The following SGCZ variants were observed in gnomAD, a reference collection of about 807,000 sequenced individuals.
The protein encoded by SGCZ is sarcoglycan zeta, also known as zeta-sarcoglycan.
A neutral mutation model predicts 41.3 loss-of-function variants in SGCZ; 40 were observed. The ratio of observed to expected loss-of-function variants is 0.97; its 90% CI spans 0.75 to 1.26. The LOEUF (loss-of-function observed/expected upper bound fraction) is 1.26, where lower values mean the gene tolerates loss of function less well. Among genes scored for constraint, SGCZ ranks in the 50% most tolerant of loss-of-function variants. The probability of loss-of-function intolerance (pLI) is 0.00; values close to 1 mark genes in which losing one functional copy is unlikely to be tolerated. For synonymous variants in SGCZ, 206 were observed against 137.5 expected, an observed-to-expected ratio of 1.50 and a Z score of -3.49; for missense variants, 552 against 369.8, an observed-to-expected ratio of 1.49 and a Z score of -4.04.
intron 4 of SGCZ, among the ~76,000 whole-genome samples, chr8:14,181,808 T>C (rs1804737635): frequency 6.6e-6 from 1 of 152,222 alleles, no homozygotes; most frequent in Admixed American, 6.5e-5. Context: ...ATCTTCCCTT[T>C]ATAAATTACT....
chr8:14,549,455 G>C (rs776742238), intron 2 of SGCZ, among the ~76,000 whole-genome samples: 28 of 152,000 alleles, frequency 1.8e-4, no homozygotes, highest in Non-Finnish European at 3.8e-4. Context: ...GAGAGAACAA[G>C]TGAAAAAATT....
intron 5 of SGCZ, among the ~76,000 whole-genome samples, chr8:14,162,897 G>C (rs753025502): frequency 6.6e-6 from 1 of 152,128 alleles, no homozygotes; most frequent in Non-Finnish European, 1.5e-5. Flanking sequence ...TCGAGAGAGG[G>C]TCTGGCTCTG....
intron 2 of SGCZ, among the ~76,000 whole-genome samples, chr8:14,387,916 G>C (rs906381008): frequency 6.6e-6 from 1 of 151,996 alleles, no homozygotes; most frequent in Non-Finnish European, 1.5e-5. Context: ...GGATAGAAGA[G>C]AGAGAAGTGG....
At chr8:14,873,695 T>C (rs114342700) in intron 1 of SGCZ, among the ~76,000 whole-genome samples, 6 of 152,132 alleles carry the variant, frequency 3.9e-5, no homozygotes, top group Middle Eastern at 3.2e-3. Flanking sequence ...TCAACTCTCA[T>C]TGGAAGTCCA....
intron 4 of SGCZ, among the ~76,000 whole-genome samples, chr8:14,226,340 G>C (rs1297135269): frequency 6.6e-6 from 1 of 151,932 alleles, no homozygotes; most frequent in Non-Finnish European, 1.5e-5. Flanking sequence ...TCAAAATATA[G>C]GACAGGTTCA....
intron 1 of SGCZ, among the ~76,000 whole-genome samples, chr8:14,761,539 A>AT (rs373649476): frequency 0.03 from 4,056 of 135,698 alleles, 129 homozygotes; most frequent in African/African-American, 0.072. Context: ...TTATTTATTT[A>AT]TTTTTTTTTT....
At chr8:14,337,423 A>C (rs1802543930) in intron 2 of SGCZ, among the ~76,000 whole-genome samples, 1 of 152,124 alleles carries the variant, frequency 6.6e-6, no homozygotes, top group African/African-American at 2.4e-5. Context: ...GTGCTTGATC[A>C]GGTGGTCAGA....
chr8:15,068,663 C>A (rs1805240690), intron 1 of SGCZ, among the ~76,000 whole-genome samples: 1 of 152,124 alleles, frequency 6.6e-6, no homozygotes, highest in Admixed American at 6.6e-5. Flanking sequence ...ACTGGAAATC[C>A]AATATGTGAA....
chr8:14,398,124 G>T (rs1478694599), intron 2 of SGCZ, among the ~76,000 whole-genome samples: 1 of 152,028 alleles, frequency 6.6e-6, no homozygotes, highest in African/African-American at 2.4e-5. Flanking sequence ...GATTTTCCCT[G>T]TCTGGAAAAA....
intron 1 of SGCZ, among the ~76,000 whole-genome samples, chr8:15,030,075 G>C (rs1474590085): frequency 6.6e-6 from 1 of 152,130 alleles, no homozygotes; most frequent in Non-Finnish European, 1.5e-5. Context: ...GTTAATTGAG[G>C]AGATGGACAT....
chr8:14,285,185 A>G (rs1457574218), intron 3 of SGCZ, among the ~76,000 whole-genome samples: 1 of 152,144 alleles, frequency 6.6e-6, no homozygotes, highest in Admixed American at 6.5e-5. Context: ...AAAATCTAAT[A>G]AATCTCCAGC....
chr8:14,505,863 C>G (rs766511673), intron 2 of SGCZ, among the ~76,000 whole-genome samples: 18 of 152,134 alleles, frequency 1.2e-4, no homozygotes, highest in Non-Finnish European at 2.2e-4. Flanking sequence ...ATCAGAAACA[C>G]AGGACTCGGC....
intron 2 of SGCZ, among the ~76,000 whole-genome samples, chr8:14,404,673 T>C (rs1458876401): frequency 6.6e-6 from 1 of 152,184 alleles, no homozygotes; most frequent in Non-Finnish European, 1.5e-5. Context: ...CTTAGACCAG[T>C]TCTTTCTCCA....
chr8:14,317,523 C>T (rs952928815), intron 3 of SGCZ, among the ~76,000 whole-genome samples: 1 of 151,910 alleles, frequency 6.6e-6, no homozygotes, highest in African/African-American at 2.4e-5. Flanking sequence ...CAAATAATAG[C>T]TTTTCCACAC....
intron 1 of SGCZ, among the ~76,000 whole-genome samples, chr8:14,779,106 C>G (rs915066694): frequency 6.6e-6 from 1 of 152,212 alleles, no homozygotes; most frequent in Non-Finnish European, 1.5e-5. Flanking sequence ...TATTCAGCTT[C>G]TAACATAGTC....
intron 1 of SGCZ, 101 bp downstream of exon 1, chr8:15,237,484 A>T: frequency 1.4e-6 from 2 of 1,391,420 alleles, no homozygotes; most frequent in Non-Finnish European, 2.0e-6. Context: ...GTCCCGCGGG[A>T]CCACCAACTA....
chr8:14,684,866 G>A lies in SGCZ; in HGVS notation c.40-129940C>T, dbSNP rs1194656722. Among the ~76,000 whole-genome samples, 6 of 152,218 alleles carry A rather than the reference G, an allele frequency of 3.9e-5. No individual in the cohort carries two copies. In the East Asian group the frequency reaches 1.2e-3, roughly 29 times the overall value. On this transcript the variant is annotated intron_variant, in intron 1 of 7. Coordinates refer to ENST00000382080, the MANE Select transcript of SGCZ (RefSeq NM_139167.4). ...CAATGCAGCCTTCACTGAAACACAT[G>A]TGTGGAGGAGGGAGGTCTGTTATCT... is the stretch of plus-strand genomic sequence containing the variant.
chr8:15,191,596 C>A (rs1800540898), intron 1 of SGCZ, among the ~76,000 whole-genome samples: 1 of 151,904 alleles, frequency 6.6e-6, no homozygotes, highest in South Asian at 2.1e-4. Context: ...ATATTTCAGT[C>A]ATCATTATAT....
rs139394422 is a variant in SGCZ at position 14,903,890 on chromosome 8, G to A, written c.39+333695C>T. ...AATAAATATACAGAAATCTAGGGAA[G>A]ATTAACCTTAGGAAAGCTTTACATT... On this transcript the variant is annotated intron_variant, in intron 1 of 7. Coordinates refer to ENST00000382080, the MANE Select transcript of SGCZ (RefSeq NM_139167.4). Among the ~76,000 whole-genome samples the A allele has an allele frequency of 9.6e-3, 1,460 of 152,038 alleles. 25 individuals are homozygous for A. Among genetic ancestry groups the A allele is most frequent in the African/African-American group, 0.033 (1,381 of 41,512 alleles).
Sources: gnomAD v4.1 joint callset for allele counts (sites outside exome capture counted in the v4.1 genomes callset) on GRCh38, gnomAD v4.1.1 for gene constraint, MANE v1.5 for transcripts, NCBI Gene and HGNC (gene_info 2026-07-23, HGNC 2026-07-21) for gene names.